WDR17: variants seen among roughly 807,000 people sequenced by gnomAD.
WDR17 encodes the protein WD repeat domain 17, also known as WD repeat-containing protein 17.
Under a neutral mutation model 161.7 loss-of-function variants are expected in WDR17, and 143 were observed. The observed-to-expected ratio is 0.88, with a 90% confidence interval of 0.77 to 1.02. WDR17 has a LOEUF of 1.02. WDR17 is among the 50% of genes least tolerant of loss of function. The pLI, the probability that WDR17 is intolerant of heterozygous loss-of-function variation, is 0.00. For missense variants in WDR17, 1,469 were observed against 1,520.9 expected (o/e 0.97, Z 0.57); for synonymous variants, 517 against 515.6 (o/e 1.00, Z -0.04).
intron 12 of WDR17, 118 bp downstream of exon 12, chr4:176,146,277 A>G (rs1398433302): frequency 1.9e-6 from 2 of 1,067,514 alleles, no homozygotes; most frequent in Non-Finnish European, 2.5e-6. Flanking sequence ...TCTGTCACCC[A>G]GGCTGGAATG....
At chr4:176,122,679 A>T (rs1741797044) in intron 4 of WDR17, among the ~76,000 whole-genome samples, 1 of 152,176 alleles carries the variant, frequency 6.6e-6, no homozygotes, top group Non-Finnish European at 1.5e-5. Flanking sequence ...ACTTACTGGC[A>T]CCACAGATGG....
chr4:176,153,898 A>AT (rs1456146593), intron 17 of WDR17, among the ~76,000 whole-genome samples: 1 of 152,166 alleles, frequency 6.6e-6, no homozygotes, highest in East Asian at 1.9e-4. Context: ...CAATGTAAAA[A>AT]TTTTCCTTGT....
At position 176,084,772 on chromosome 4, in the gene WDR17, T is replaced by TTATA. The variant is rs527917962; in HGVS notation, c.-7+18704_-7+18707dup. Among the ~76,000 whole-genome samples, 419 of 146,512 alleles carry TTATA rather than the reference T, an allele frequency of 2.9e-3. 1 individual carries two copies. Among genetic ancestry groups the TTATA allele is most frequent in the Middle Eastern group, 0.025 (7 of 280 alleles). ...CGAGATTATATATATATATTATATA[T>TTATA]TATATATATATATAAAATATATATA... is the stretch of plus-strand genomic sequence containing the variant. On this transcript the variant is annotated intron_variant, in intron 1 of 28. Coordinates refer to ENST00000508596, the MANE Select transcript of WDR17 (RefSeq NM_181265.4).
chr4:176,154,964 C>T (rs552867331), intron 17 of WDR17, among the ~76,000 whole-genome samples: 1 of 151,780 alleles, frequency 6.6e-6, no homozygotes, highest in South Asian at 2.1e-4. Context: ...CAATAGAAGT[C>T]CAATTTTTAA....
intron 9 of WDR17, among the ~76,000 whole-genome samples, chr4:176,139,598 A>G (rs1370583161): frequency 6.6e-6 from 1 of 152,036 alleles, no homozygotes; most frequent in East Asian, 1.9e-4. Flanking sequence ...TTAATTCTAC[A>G]GATGACTTAA....
At chr4:176,108,293 T>C (rs574175153) in intron 1 of WDR17, among the ~76,000 whole-genome samples, 1 of 152,162 alleles carries the variant, frequency 6.6e-6, no homozygotes, top group Non-Finnish European at 1.5e-5. Context: ...AAACTAAATG[T>C]ATATTACTAA....
At chr4:176,144,308 G>A (rs562888592) in intron 11 of WDR17, among the ~76,000 whole-genome samples, 1 of 152,264 alleles carries the variant, frequency 6.6e-6, no homozygotes, top group African/African-American at 2.4e-5. Flanking sequence ...TTGTTGGCTG[G>A]TTGCATATTG....
chr4:176,093,277 A>C (rs1736373827), intron 1 of WDR17, among the ~76,000 whole-genome samples: 1 of 152,172 alleles, frequency 6.6e-6, no homozygotes, highest in African/African-American at 2.4e-5. Flanking sequence ...CAATCTACAC[A>C]TTCAGTGCAA....
At chr4:176,123,882 G>A (rs947468612) in intron 4 of WDR17, among the ~76,000 whole-genome samples, 8 of 152,180 alleles carry the variant, frequency 5.3e-5, no homozygotes, top group African/African-American at 1.9e-4. Flanking sequence ...TCAAGCCTTG[G>A]TCTTTCAGTG....
At chr4:176,132,858 T>C (rs1743688998) in intron 7 of WDR17, among the ~76,000 whole-genome samples, 1 of 151,756 alleles carries the variant, frequency 6.6e-6, no homozygotes, top group Non-Finnish European at 1.5e-5. Context: ...AAAAAAAAAC[T>C]AGTAAGAACA....
intron 21 of WDR17, among the ~76,000 whole-genome samples, chr4:176,162,433 T>A (rs951422303): frequency 6.6e-6 from 1 of 152,178 alleles, no homozygotes; most frequent in African/African-American, 2.4e-5. Flanking sequence ...TTTTAAACAT[T>A]TCAACATAGA....
chr4:176,179,604 T>C lies in WDR17; in HGVS notation c.*25T>C, dbSNP rs777335126. ...ATAGAAGATTTTTGTCCATGCTTGA[T>C]TTTTTTTTTTAAAGAAAAACTTTCA... On this transcript the variant is annotated 3_prime_UTR_variant, in exon 29 of 29. Coordinates refer to ENST00000508596, the MANE Select transcript of WDR17 (RefSeq NM_181265.4). The C allele has an allele frequency of 8.4e-6, 9 of 1,075,996 alleles. No individual in the cohort carries two copies. Among genetic ancestry groups the C allele is most frequent in the South Asian group, 6.4e-5 (3 of 46,794 alleles). The allele number at this position is 1,075,996 out of a possible 1,614,324, so 66.7% of individuals were successfully genotyped here.
intron 17 of WDR17, among the ~76,000 whole-genome samples, chr4:176,152,294 C>CAAAAAA (rs397837505): frequency 0.027 from 1,941 of 72,000 alleles, 123 homozygotes; most frequent in African/African-American, 0.091. Flanking sequence ...GACCCTATCT[C>CAAAAAA]AAAAAAAAAA....
At chr4:176,087,281 C>A (rs1032840395) in intron 1 of WDR17, among the ~76,000 whole-genome samples, 2 of 151,778 alleles carry the variant, frequency 1.3e-5, no homozygotes, top group Non-Finnish European at 2.9e-5. Context: ...ACAATGAAAA[C>A]GTTCATATTC....
intron 1 of WDR17, among the ~76,000 whole-genome samples, chr4:176,109,555 AAGAATTGG>A (rs1174536677): frequency 6.6e-6 from 1 of 152,224 alleles, no homozygotes; most frequent in Non-Finnish European, 1.5e-5. Flanking sequence ...TGAAGACAGA[AAGAATTGG>A]AGAAGAGAAG....
chr4:176,109,731 AGATT>A (rs1354568841), intron 1 of WDR17, among the ~76,000 whole-genome samples: 2 of 152,242 alleles, frequency 1.3e-5, no homozygotes, highest in Non-Finnish European at 2.9e-5. Context: ...TAAAAGAATT[AGATT>A]AAGAGTTGGA....
intron 1 of WDR17, among the ~76,000 whole-genome samples, chr4:176,091,248 T>A (rs62339420): frequency 0.33 from 49,940 of 152,066 alleles, 8,855 homozygotes; most frequent in East Asian, 0.43. Flanking sequence ...ATATGTTAGG[T>A]CACAAAATGT....
intron 1 of WDR17, among the ~76,000 whole-genome samples, chr4:176,075,745 AG>A (rs1247475302): frequency 6.6e-6 from 1 of 152,122 alleles, no homozygotes; most frequent in Non-Finnish European, 1.5e-5. Flanking sequence ...AGGCTGAGGC[AG>A]GAGGGTCACT....
chr4:176,076,408 G>GGTTT (rs1734031799), intron 1 of WDR17, among the ~76,000 whole-genome samples: 1 of 109,366 alleles, frequency 9.1e-6, no homozygotes, highest in Non-Finnish European at 1.8e-5. Context: ...GTCGTTGTTG[G>GGTTT]TTTTTTTTTT....
Sources: allele counts gnomAD v4.1 joint callset (sites outside exome capture counted in the v4.1 genomes callset), GRCh38; gene constraint gnomAD v4.1.1; transcripts MANE v1.5; gene names NCBI Gene and HGNC (gene_info 2026-07-23, HGNC 2026-07-21).